The following ARHGAP21 variants were observed in gnomAD, a reference collection of about 807,000 sequenced individuals.
ARHGAP21 encodes the protein Rho GTPase activating protein 21, also known as rho GTPase-activating protein 21.
A neutral mutation model predicts 164.6 loss-of-function variants in ARHGAP21; 38 were observed. The ratio of observed to expected loss-of-function variants is 0.23; its 90% CI spans 0.18 to 0.30. The LOEUF (loss-of-function observed/expected upper bound fraction) is 0.30. ARHGAP21 is among the 10% of genes least tolerant of loss of function. The pLI, the probability that ARHGAP21 is intolerant of heterozygous loss-of-function variation, is 1.00. For missense variants in ARHGAP21, 1,822 were observed against 2,370.7 expected (o/e 0.77, Z 4.81); for synonymous variants, 766 against 857.9 (o/e 0.89, Z 1.87).
chr10:24,679,171 C>T (rs1375695799), intron 2 of ARHGAP21, among the ~76,000 whole-genome samples: 1 of 152,310 alleles, frequency 6.6e-6, no homozygotes, highest in East Asian at 1.9e-4. Context: ...CACATCTGGG[C>T]TGCTATAACA....
At chr10:24,612,127 A>C (rs2077289739) in intron 9 of ARHGAP21, among the ~76,000 whole-genome samples, 1 of 152,230 alleles carries the variant, frequency 6.6e-6, no homozygotes, top group Non-Finnish European at 1.5e-5. Flanking sequence ...AATTTTATGT[A>C]ACTCAGTGAA....
At position 24,600,748 on chromosome 10, in the gene ARHGAP21, T is replaced by A. The variant is rs753682650; in HGVS notation, c.3030A>T (p.Arg1010=). 6.2e-7 allele frequency: 1 copy of A among 1,613,766 alleles called. No homozygotes were observed. The highest frequency in any genetic ancestry group is 8.5e-7 in the Non-Finnish European group (1 of 1,179,862). The stretch of plus-strand genomic sequence containing the variant: ...GGCATTCACAGTCGGACGTGGTGAG[T>A]CGAAACACATTTTTCCTCTTGGTCT... ...YSETKRKNVF[R]LTTSDCECLF... is the part of the protein sequence containing the mutation. The change falls in exon 14 of 26, where the codon CGA becomes CGT. Residue 1010 remains arginine (R), a synonymous_variant. Transcript: ENST00000396432.
chr10:24,595,474 T>C (rs2076540415), intron 19 of ARHGAP21, among the ~76,000 whole-genome samples: 1 of 152,196 alleles, frequency 6.6e-6, no homozygotes, highest in Non-Finnish European at 1.5e-5. Context: ...TACCTTATGA[T>C]GTCAGAAGCC....
At chr10:24,610,090 G>A (rs2077188656) in intron 9 of ARHGAP21, among the ~76,000 whole-genome samples, 2 of 152,160 alleles carry the variant, frequency 1.3e-5, no homozygotes, top group Non-Finnish European at 2.9e-5. Flanking sequence ...TAAGAAACGA[G>A]GTCTTGGACA....
chr10:24,665,453 G>A (rs1233101584), intron 4 of ARHGAP21, among the ~76,000 whole-genome samples: 1 of 152,088 alleles, frequency 6.6e-6, no homozygotes, highest in Non-Finnish European at 1.5e-5. Flanking sequence ...AGTACTATCA[G>A]TACCCATACA....
At position 24,584,926 on chromosome 10, in the gene ARHGAP21, A is replaced by G. The variant is rs2076039590; in HGVS notation, c.5363T>C (p.Val1788Ala). 2 of 1,613,628 alleles carry G rather than the reference A, an allele frequency of 1.2e-6. No individual in the cohort carries two copies. The highest frequency in any genetic ancestry group is 1.7e-6 in the Non-Finnish European group (2 of 1,179,848). ...DDMFGVGNHK[V>A]NAETAKRKSI... is the part of the protein sequence containing the mutation. ...TTTCCTTTTAGCAGTCTCGGCATTC[A>G]CTTTGTGATTCCCTACTCCAAACAT... The change falls in exon 26 of 26, where the codon GTG (valine) becomes GCG (alanine). Residue 1788 changes from valine to alanine, a missense_variant. Val to Ala is a moderately conservative substitution (Grantham distance 64). Transcript: ENST00000396432.
At chr10:24,707,410 C>T (rs1013370473) in intron 2 of ARHGAP21, among the ~76,000 whole-genome samples, 33 of 152,260 alleles carry the variant, frequency 2.2e-4, no homozygotes, top group Admixed American at 1.8e-3. Flanking sequence ...GAATTCTATC[C>T]TTGACCTCCC....
chr10:24,708,265 T>C (rs992808532), intron 2 of ARHGAP21, among the ~76,000 whole-genome samples: 2 of 152,134 alleles, frequency 1.3e-5, no homozygotes, highest in East Asian at 3.9e-4. Flanking sequence ...GATTCTGGAC[T>C]TTGACCCTCT....
intron 2 of ARHGAP21, among the ~76,000 whole-genome samples, chr10:24,674,141 T>C (rs1045759540): frequency 7.2e-5 from 11 of 152,286 alleles, no homozygotes; most frequent in African/African-American, 2.6e-4. Flanking sequence ...ACACCTGTAA[T>C]CCCAGCACTT....
chr10:24,639,928 A>AC (rs1836816570), intron 4 of ARHGAP21, among the ~76,000 whole-genome samples: 1 of 151,680 alleles, frequency 6.6e-6, no homozygotes, highest in African/African-American at 2.4e-5. Flanking sequence ...ACAAAAAAAA[A>AC]CCACACTAAA....
At chr10:24,607,356 A>T in intron 11 of ARHGAP21, 143 bp downstream of exon 11, 2 of 689,718 alleles carry the variant, frequency 2.9e-6, no homozygotes, top group Non-Finnish European at 4.8e-6. Flanking sequence ...ATTTAATGTT[A>T]CCATTAACAA....
intron 7 of ARHGAP21, chr10:24,629,639 GA>G (rs958856598): frequency 0.012 from 2,283 of 188,844 alleles, no homozygotes; most frequent in South Asian, 0.026. Context: ...TAGTGAGAAG[GA>G]AAAAAAAAAA....
intron 4 of ARHGAP21, among the ~76,000 whole-genome samples, chr10:24,650,730 GAAT>G (rs1288900120): frequency 6.6e-6 from 1 of 152,150 alleles, no homozygotes; most frequent in African/African-American, 2.4e-5. Flanking sequence ...TTCCACCCAT[GAAT>G]AATAGCCAGA....
chr10:24,633,451 T>G lies in ARHGAP21; in HGVS notation c.391A>C (p.Ser131Arg). The change falls in exon 6 of 26, where the codon AGT (serine) becomes CGT (arginine). Residue 131 changes from serine to arginine, a missense_variant. Coordinates refer to ENST00000396432, the MANE Select transcript of ARHGAP21 (RefSeq NM_020824.4). ...TGGGAATAGGTTTTGCCAATAACAC[T>G]TTCTCCATTGACTTTTATAATTCGG... Reference protein sequence around the residue: ...GDRIIKVNGESVIGKTYSQVI... With the variant: ...GDRIIKVNGERVIGKTYSQVI... 1 of 1,611,578 alleles carries G rather than the reference T, an allele frequency of 6.2e-7. No individual in the cohort carries two copies. Among genetic ancestry groups the G allele is most frequent in the Non-Finnish European group, 8.5e-7 (1 of 1,178,838 alleles).
At chr10:24,719,713 C>T (rs1255505217) in intron 2 of ARHGAP21, among the ~76,000 whole-genome samples, 1 of 152,124 alleles carries the variant, frequency 6.6e-6, no homozygotes, top group Admixed American at 6.5e-5. Flanking sequence ...AAATTAAATG[C>T]AATGTTCAAA....
At chr10:24,710,407 AG>A (rs1210073825) in intron 2 of ARHGAP21, among the ~76,000 whole-genome samples, 1 of 152,178 alleles carries the variant, frequency 6.6e-6, no homozygotes, top group Non-Finnish European at 1.5e-5. Context: ...CAATCTTCCC[AG>A]GAAGATTTTC....
rs1446503891 is a variant in ARHGAP21 at position 24,655,627 on chromosome 10, G to A, written c.268+11358C>T. 2.7e-3 allele frequency among the ~76,000 whole-genome samples: 396 copies of A among 147,658 alleles called. 2 individuals carry two copies. Among genetic ancestry groups the A allele is most frequent in the Non-Finnish European group, 4.1e-3 (271 of 66,818 alleles). The stretch of plus-strand genomic sequence containing the variant: ...AGTGCCGAGATTGCAGCCTCTGCCC[G>A]GCCGCCACCCCGTCTGGGAAGTGAG... On this transcript the variant is annotated intron_variant, in intron 4 of 25. Transcript: ENST00000396432.
At chr10:24,639,572 G>C (rs1002222558) in intron 4 of ARHGAP21, among the ~76,000 whole-genome samples, 1 of 152,094 alleles carries the variant, frequency 6.6e-6, no homozygotes, top group Non-Finnish European at 1.5e-5. Flanking sequence ...AATAAATACT[G>C]GTTGAAAGGA....
At chr10:24,599,470 G>A (rs7911299) in intron 14 of ARHGAP21, among the ~76,000 whole-genome samples, 5,430 of 152,256 alleles carry the variant, frequency 0.036, 294 homozygotes, top group African/African-American at 0.12. Context: ...AGGAAAAAAA[G>A]CACACTTTTC....
Sources: allele counts gnomAD v4.1 joint callset (sites outside exome capture counted in the v4.1 genomes callset), GRCh38; gene constraint gnomAD v4.1.1; transcripts MANE v1.5; gene names NCBI Gene and HGNC (gene_info 2026-07-23, HGNC 2026-07-21).